Variants in CLEC16A observed in about 807,000 individuals in gnomAD.
CLEC16A encodes protein CLEC16A.
A neutral mutation model predicts 109.5 loss-of-function variants in CLEC16A; 51 were observed. The ratio of observed to expected loss-of-function variants is 0.47; its 90% CI spans 0.37 to 0.59. CLEC16A has a LOEUF of 0.59. Among genes scored for constraint, CLEC16A ranks in the 20% least tolerant of loss-of-function variants. CLEC16A has a pLI of 0.00. For missense variants in CLEC16A, 1,339 were observed against 1,394.0 expected (o/e 0.96, Z 0.63); for synonymous variants, 673 against 564.2 (o/e 1.19, Z -2.73).
chr16:11,166,093 G>A (rs903034405), intron 22 of CLEC16A, among the ~76,000 whole-genome samples: 1 of 152,266 alleles, frequency 6.6e-6, no homozygotes, highest in Non-Finnish European at 1.5e-5. Context: ...CAAGGGCACA[G>A]CTGGCACGCT....
intron 13 of CLEC16A, among the ~76,000 whole-genome samples, chr16:11,031,276 G>T (rs1165994079): frequency 6.6e-6 from 1 of 152,244 alleles, no homozygotes; most frequent in Non-Finnish European, 1.5e-5. Flanking sequence ...AGAAGGTGCT[G>T]TCTGTGTGGT....
chr16:11,030,050 G>A (rs2046648225), intron 13 of CLEC16A, among the ~76,000 whole-genome samples: 1 of 152,194 alleles, frequency 6.6e-6, no homozygotes, highest in Non-Finnish European at 1.5e-5. Context: ...ATGATGTTGT[G>A]TGTATCTGTA....
chr16:11,048,720 C>T (rs962147898), intron 17 of CLEC16A, among the ~76,000 whole-genome samples: 4 of 152,176 alleles, frequency 2.6e-5, no homozygotes, highest in African/African-American at 9.7e-5. Flanking sequence ...GTGGGCTGCT[C>T]ATCTACAGCC....
rs1479501410 is a variant in CLEC16A at position 11,027,546 on chromosome 16, G to A, written c.1537+2625G>A. On this transcript the variant is annotated intron_variant, in intron 13 of 23. Coordinates refer to ENST00000409790, the MANE Select transcript of CLEC16A (RefSeq NM_015226.3). ...TCTGACAGACAACACAGTGATTGAG[G>A]AGCACCTGGGGAAGTTTGGCATCAT... 3.8e-5 allele frequency: 59 copies of A among 1,556,436 alleles called. No homozygotes were observed. The East Asian group carries it at 1.3e-3, about 34-fold the overall frequency.
chr16:11,172,761 C>CAT (rs2068578216), intron 23 of CLEC16A, among the ~76,000 whole-genome samples: 1 of 151,902 alleles, frequency 6.6e-6, no homozygotes, highest in Non-Finnish European at 1.5e-5. Context: ...TGGTGGTAGG[C>CAT]GTCTGTAATC....
chr16:11,134,417 G>T (rs572349712), intron 22 of CLEC16A, among the ~76,000 whole-genome samples: 1 of 152,198 alleles, frequency 6.6e-6, no homozygotes, highest in South Asian at 2.1e-4. Context: ...CACTTGCTCT[G>T]CCTCACAGAT....
chr16:11,009,406 A>G (rs2045260780), intron 11 of CLEC16A, among the ~76,000 whole-genome samples: 1 of 152,202 alleles, frequency 6.6e-6, no homozygotes, highest in African/African-American at 2.4e-5. Flanking sequence ...AAACATGGGT[A>G]TACAAATCCA....
Position 11,047,341 on chromosome 16 carries a change from C to T in CLEC16A, c.1865C>T (p.Thr622Ile). ...TTTGAAGATGAGTATAGGAGCATGACAGTAAGTGAGGGGCTGGGACACACT... is the reference window on the plus strand; with the variant it reads ...TTTGAAGATGAGTATAGGAGCATGATAGTAAGTGAGGGGCTGGGACACACT... ...DMFEDEYRSMTMKPMNVEYLM... is the reference protein window; with the variant it reads ...DMFEDEYRSMIMKPMNVEYLM... Residue 622 changes from threonine (T) to isoleucine (I), a missense_variant and splice_region_variant, in exon 17 of 24, where the codon ACA (threonine) becomes ATA (isoleucine). This residue lies in a region of CLEC16A where 1,061 missense variants were observed against 1,006.8 expected (regional missense o/e 1.05). Transcript: ENST00000409790. 2 of 1,606,824 alleles carry T rather than the reference C, an allele frequency of 1.2e-6. No homozygotes were observed. Among genetic ancestry groups the T allele is most frequent in the African/African-American group, 1.3e-5 (1 of 74,638 alleles).
intron 10 of CLEC16A, among the ~76,000 whole-genome samples, chr16:10,998,324 A>G (rs1222832765): frequency 2.0e-5 from 3 of 152,170 alleles, no homozygotes; most frequent in Non-Finnish European, 2.9e-5. Flanking sequence ...TCAGCTGCAG[A>G]GCTCAGGGCT....
intron 10 of CLEC16A, among the ~76,000 whole-genome samples, chr16:10,994,360 T>C (rs1189756819): frequency 6.6e-6 from 1 of 152,204 alleles, no homozygotes; most frequent in African/African-American, 2.4e-5. Context: ...GGCATATGTC[T>C]ATACATCACC....
intron 22 of CLEC16A, among the ~76,000 whole-genome samples, chr16:11,154,844 T>C (rs1473912570): frequency 6.6e-6 from 1 of 152,084 alleles, no homozygotes; most frequent in Non-Finnish European, 1.5e-5. Flanking sequence ...AGAGAATCAC[T>C]TGAACCTGGG....
rs952317630 is a variant in CLEC16A, at chr16:11,026,570, T to A, written c.1537+1649T>A. Among the ~76,000 whole-genome samples, 28 of 152,176 alleles carry A rather than the reference T, an allele frequency of 1.8e-4. No individual in the cohort carries two copies. In the East Asian group the frequency reaches 5.2e-3, roughly 28 times the overall value. ...TTCCTAATCATTTTGGCTAGAGGAT[T>A]ATTAATTTTATTGCTACCCTCTATT... is the stretch of plus-strand genomic sequence containing the variant. On this transcript the variant is annotated intron_variant, in intron 13 of 23. Transcript: ENST00000409790.
chr16:11,022,085 T>G (rs1213505104), intron 12 of CLEC16A, among the ~76,000 whole-genome samples: 1 of 152,216 alleles, frequency 6.6e-6, no homozygotes, highest in Non-Finnish European at 1.5e-5. Flanking sequence ...TTTGGGCATC[T>G]TGAAGCACAT....
intron 13 of CLEC16A, among the ~76,000 whole-genome samples, chr16:11,028,488 G>T (rs1251115573): frequency 6.7e-6 from 1 of 148,624 alleles, no homozygotes; most frequent in Non-Finnish European, 1.5e-5. Flanking sequence ...AAAAAGACTT[G>T]AAATACACAT....
At chr16:10,967,239 G>T (rs1279808433) in intron 3 of CLEC16A, among the ~76,000 whole-genome samples, 1 of 152,160 alleles carries the variant, frequency 6.6e-6, no homozygotes, top group African/African-American at 2.4e-5. Context: ...CGGGCTCCCA[G>T]ATTCCTCTTT....
intron 11 of CLEC16A, among the ~76,000 whole-genome samples, chr16:11,015,253 C>T (rs2045673978): frequency 6.6e-6 from 1 of 151,982 alleles, no homozygotes; most frequent in South Asian, 2.1e-4. Context: ...ACAGGTGTCA[C>T]AGCCAGGGTG....
chr16:11,030,376 A>G (rs2046670310), intron 13 of CLEC16A, among the ~76,000 whole-genome samples: 1 of 152,218 alleles, frequency 6.6e-6, no homozygotes, highest in Admixed American at 6.5e-5. Context: ...ATATAATTTT[A>G]TATCCCATCA....
intron 18 of CLEC16A, among the ~76,000 whole-genome samples, chr16:11,056,212 C>T (rs374119317): frequency 5.9e-5 from 9 of 152,130 alleles, no homozygotes; most frequent in South Asian, 2.1e-4. Flanking sequence ...AGACCAACCA[C>T]GGGTCAAATC....
chr16:11,144,875 G>T (rs867796930), intron 22 of CLEC16A, among the ~76,000 whole-genome samples: 1 of 152,110 alleles, frequency 6.6e-6, no homozygotes, highest in East Asian at 1.9e-4. Flanking sequence ...CTTGGGGGAC[G>T]GCTGTGCTAA....
Sources: gnomAD v4.1 joint callset for allele counts (sites outside exome capture counted in the v4.1 genomes callset) on GRCh38, gnomAD v4.1.1 for gene constraint, gnomAD v4.1.1 regional missense constraint, MANE v1.5 for transcripts, NCBI Gene and HGNC (gene_info 2026-07-23, HGNC 2026-07-21) for gene names.